AUTS2: variants seen among roughly 807,000 people sequenced by gnomAD.
AUTS2 encodes activator of transcription and developmental regulator AUTS2.
In AUTS2, 17 loss-of-function variants were observed where a neutral mutation model predicts 112.4. The ratio of observed to expected loss-of-function variants is 0.15; its 90% CI spans 0.10 to 0.23. AUTS2 has a LOEUF of 0.23. Ranked by LOEUF, AUTS2 falls within the 10% of genes least tolerant of loss-of-function variation. The pLI is 1.00. For missense variants in AUTS2, 1,510 were observed against 1,701.6 expected (o/e 0.89, Z 1.98); for synonymous variants, 751 against 702.7 (o/e 1.07, Z -1.09).
chr7:70,712,063 C>T (rs1357672816), intron 6 of AUTS2, among the ~76,000 whole-genome samples: 2 of 151,680 alleles, frequency 1.3e-5, no homozygotes, highest in African/African-American at 2.4e-5. Context: ...CTCACTCTGT[C>T]GCCCAGGCTG....
chr7:69,666,078 G>A (rs1028824498), intron 1 of AUTS2, among the ~76,000 whole-genome samples: 9 of 151,994 alleles, frequency 5.9e-5, no homozygotes, highest in African/African-American at 1.9e-4. Flanking sequence ...AAGTAATCTG[G>A]TATCTTAATG....
chr7:70,474,542 G>C (rs919287366), intron 5 of AUTS2, among the ~76,000 whole-genome samples: 3 of 152,172 alleles, frequency 2.0e-5, no homozygotes, highest in African/African-American at 7.2e-5. Flanking sequence ...TATTGTACCA[G>C]TCTTCTTACC....
At chr7:70,278,100 G>A (rs1407017776) in intron 4 of AUTS2, among the ~76,000 whole-genome samples, 2 of 151,958 alleles carry the variant, frequency 1.3e-5, no homozygotes, top group African/African-American at 2.4e-5. Flanking sequence ...TGGGCAGAAG[G>A]TATACCTGTG....
At chr7:69,910,800 G>A (rs1254593358) in intron 2 of AUTS2, among the ~76,000 whole-genome samples, 1 of 151,980 alleles carries the variant, frequency 6.6e-6, no homozygotes, top group Non-Finnish European at 1.5e-5. Flanking sequence ...GCGAATTTTT[G>A]TATTTTTAGT....
chr7:69,975,529 C>CT (rs1798019067), intron 2 of AUTS2, among the ~76,000 whole-genome samples: 1 of 151,976 alleles, frequency 6.6e-6, no homozygotes, highest in Non-Finnish European at 1.5e-5. Context: ...ACCTGATACT[C>CT]TGTTTTTTGT....
chr7:69,784,093 T>G (rs1391562626), intron 1 of AUTS2, among the ~76,000 whole-genome samples: 2 of 152,106 alleles, frequency 1.3e-5, no homozygotes, highest in Non-Finnish European at 2.9e-5. Flanking sequence ...CTACCCAAAA[T>G]GACACCGAAC....
chr7:70,286,596 A>G (rs1302833025), intron 4 of AUTS2, among the ~76,000 whole-genome samples: 1 of 152,242 alleles, frequency 6.6e-6, no homozygotes, highest in Non-Finnish European at 1.5e-5. Flanking sequence ...AATCTAATGA[A>G]AACTTTAAGG....
chr7:70,156,816 G>A (rs760988310), intron 4 of AUTS2, among the ~76,000 whole-genome samples: 11 of 146,898 alleles, frequency 7.5e-5, no homozygotes, highest in East Asian at 2.0e-4. Flanking sequence ...TTGGGAAGCC[G>A]AGGCAGGTGG....
chr7:70,529,609 T>C (rs75687082), intron 5 of AUTS2, among the ~76,000 whole-genome samples: 175 of 152,334 alleles, frequency 1.1e-3, no homozygotes, highest in African/African-American at 4.1e-3. Context: ...CTGCCTTTCA[T>C]CCCAGGCTGT....
At chr7:70,032,366 T>G (rs1800821651) in intron 2 of AUTS2, among the ~76,000 whole-genome samples, 1 of 152,126 alleles carries the variant, frequency 6.6e-6, no homozygotes, top group South Asian at 2.1e-4. Flanking sequence ...TTAAAGGGCT[T>G]CCTGGGGACT....
In AUTS2 at chr7:70,661,406, T is replaced by C. The variant is rs146030827; in HGVS notation, c.691-37163T>C. On this transcript the variant is annotated intron_variant, in intron 5 of 18. Coordinates refer to ENST00000342771, the MANE Select transcript of AUTS2 (RefSeq NM_015570.4). ...CAGGCAGGAAAATTCAGGAGGACTG[T>C]TGAGTGAATAGTCGCTCCCTGTGGC... is the stretch of plus-strand genomic sequence containing the variant. 2.9e-4 allele frequency among the ~76,000 whole-genome samples: 44 copies of C among 152,170 alleles called. No homozygotes were observed. In the East Asian group the frequency reaches 8.1e-3, roughly 28 times the overall value.
At chr7:70,034,446 A>G (rs1258925259) in intron 2 of AUTS2, among the ~76,000 whole-genome samples, 1 of 151,468 alleles carries the variant, frequency 6.6e-6, no homozygotes, top group Non-Finnish European at 1.5e-5. Flanking sequence ...GGAGGAAGGA[A>G]GGAAGGAAGG....
intron 2 of AUTS2, among the ~76,000 whole-genome samples, chr7:69,961,572 C>T (rs981279179): frequency 8.5e-5 from 13 of 152,056 alleles, no homozygotes; most frequent in Admixed American, 2.0e-4. Context: ...CATCTGTTGT[C>T]TTCTCTTTTT....
intron 4 of AUTS2, among the ~76,000 whole-genome samples, chr7:70,309,877 G>T (rs1328418371): frequency 6.6e-6 from 1 of 152,046 alleles, no homozygotes; most frequent in Non-Finnish European, 1.5e-5. Context: ...ATTACTTTTT[G>T]CCCACGGACC....
intron 6 of AUTS2, among the ~76,000 whole-genome samples, chr7:70,721,614 G>A (rs1786684473): frequency 6.6e-6 from 1 of 152,170 alleles, no homozygotes; most frequent in Non-Finnish European, 1.5e-5. Context: ...CTGAGAGACA[G>A]TGGACACTGA....
chr7:69,886,705 T>C (rs1156732649), intron 1 of AUTS2, among the ~76,000 whole-genome samples: 4 of 151,598 alleles, frequency 2.6e-5, no homozygotes, highest in Non-Finnish European at 5.9e-5. Flanking sequence ...GCAACCAACC[T>C]TAACCAAAGT....
chr7:70,519,317 T>C (rs553554576), intron 5 of AUTS2, among the ~76,000 whole-genome samples: 1 of 152,272 alleles, frequency 6.6e-6, no homozygotes, highest in South Asian at 2.1e-4. Context: ...GATTAATGTG[T>C]TTTTTGAGCC....
At chr7:70,703,507 A>T (rs1055328360) in intron 6 of AUTS2, among the ~76,000 whole-genome samples, 1 of 151,330 alleles carries the variant, frequency 6.6e-6, no homozygotes. Context: ...AAAAAAAAAA[A>T]AAAAAGGCCT....
At chr7:70,714,784 A>G (rs1234002107) in intron 6 of AUTS2, among the ~76,000 whole-genome samples, 1 of 152,202 alleles carries the variant, frequency 6.6e-6, no homozygotes, top group Non-Finnish European at 1.5e-5. Flanking sequence ...GATTAGATTC[A>G]GGTTAGAGTT....
Sources: gnomAD v4.1 joint callset for allele counts (sites outside exome capture counted in the v4.1 genomes callset) on GRCh38, gnomAD v4.1.1 for gene constraint, MANE v1.5 for transcripts, NCBI Gene and HGNC (gene_info 2026-07-23, HGNC 2026-07-21) for gene names.